Variants in SH2D7 observed in about 807,000 individuals in gnomAD.
SH2D7 encodes the protein SH2 domain containing 7.
A neutral mutation model predicts 40.8 loss-of-function variants in SH2D7; 32 were observed. That is an observed-to-expected ratio of 0.78 (90% CI 0.59 to 1.05). SH2D7 has a LOEUF of 1.05. Among genes scored for constraint, SH2D7 ranks in the 50% least tolerant of loss-of-function variants. The pLI is 0.00. For missense variants in SH2D7, 559 were observed against 566.6 expected (o/e 0.99, Z 0.14); for synonymous variants, 195 against 221.5 (o/e 0.88, Z 1.06).
chr15:78,090,738 A>G (rs1019380404), upstream of SH2D7, among the ~76,000 whole-genome samples: 1 of 152,080 alleles, frequency 6.6e-6, no homozygotes, highest in Non-Finnish European at 1.5e-5. Context: ...AACCTTCCTA[A>G]CAGCAGGACA....
At chr15:78,094,444 CT>C (rs1011471362) in intron 2 of SH2D7, among the ~76,000 whole-genome samples, 6 of 152,180 alleles carry the variant, frequency 3.9e-5, no homozygotes, top group Non-Finnish European at 8.8e-5. Context: ...CAGAGGTGAA[CT>C]TTGAGCCTAG....
intron 2 of SH2D7, among the ~76,000 whole-genome samples, chr15:78,095,449 C>T (rs2073965372): frequency 6.6e-6 from 1 of 152,016 alleles, no homozygotes; most frequent in African/African-American, 2.4e-5. Context: ...CAAAGGTATA[C>T]AAATAGAAAA....
chr15:78,103,103 C>T (rs1371304846), intron 5 of SH2D7, among the ~76,000 whole-genome samples: 7 of 152,134 alleles, frequency 4.6e-5, no homozygotes, highest in Admixed American at 4.6e-4. Flanking sequence ...CTCTGTGGGC[C>T]TGGGTACAGC....
intron 5 of SH2D7, among the ~76,000 whole-genome samples, chr15:78,102,550 G>A (rs1252355510): frequency 6.6e-6 from 1 of 152,078 alleles, no homozygotes; most frequent in African/African-American, 2.4e-5. Flanking sequence ...GGTGGTGGTG[G>A]TAGTGGTGGT....
Position 78,101,295 on chromosome 15 carries a change from G to A in SH2D7, c.1042G>A (p.Ala348Thr). The A allele has an allele frequency of 2.5e-6, 4 of 1,612,908 alleles. No individual in the cohort carries two copies. Among genetic ancestry groups the A allele is most frequent in the Non-Finnish European group, 3.4e-6 (4 of 1,179,494 alleles). ...EAQPCSQGSS[A>T]DIYEFIGTEG... is the part of the protein sequence containing the mutation. ...TCAGCCCTGCTCCCAGGGCAGCTCT[G>A]CAGATATCTATGAGTTCATCGGGAC... The change falls in exon 5 of 6, where the codon GCA becomes ACA. Residue 348 changes from alanine (A) to threonine (T), a missense_variant. Ala to Thr is a moderately conservative substitution (Grantham distance 58). Transcript: ENST00000328828.
intron 4 of SH2D7, among the ~76,000 whole-genome samples, chr15:78,100,378 C>T (rs1323178244): frequency 6.6e-6 from 1 of 152,066 alleles, no homozygotes; most frequent in African/African-American, 2.4e-5. Context: ...GTGCTGGTGA[C>T]CCAAGGCCTT....
At chr15:78,092,928 G>C (rs550461494) in intron 1 of SH2D7, among the ~76,000 whole-genome samples, 168 bp downstream of exon 1, 2 of 152,276 alleles carry the variant, frequency 1.3e-5, no homozygotes, top group East Asian at 3.9e-4. Flanking sequence ...ACATCCTCTG[G>C]TGGTGGCTTC....
At chr15:78,091,158 G>T (rs552565513), upstream of SH2D7, 1 of 152,276 alleles carries the variant, frequency 6.6e-6, no homozygotes, top group East Asian at 1.9e-4. Flanking sequence ...GGGATTACAG[G>T]TCTGGCCTCA....
At chr15:78,092,262 T>A (rs887185780), upstream of SH2D7, among the ~76,000 whole-genome samples, 1 of 152,212 alleles carries the variant, frequency 6.6e-6, no homozygotes, top group African/African-American at 2.4e-5. Flanking sequence ...TGATCTTTAG[T>A]TGTGACAAAG....
At chr15:78,097,143 T>C (rs2073976942) in intron 2 of SH2D7, among the ~76,000 whole-genome samples, 1 of 152,228 alleles carries the variant, frequency 6.6e-6, no homozygotes, top group South Asian at 2.1e-4. Flanking sequence ...AGAAGTATTA[T>C]AGAAGTTCTC....
intron 5 of SH2D7, 140 bp downstream of exon 5, chr15:78,101,698 T>G: frequency 9.5e-7 from 1 of 1,057,332 alleles, no homozygotes; most frequent in Non-Finnish European, 1.3e-6. Flanking sequence ...AGCCCTAATA[T>G]CTGCCTAGAA....
At position 78,103,767 on chromosome 15, in the gene SH2D7, G is replaced by C. The variant is rs868557625; in HGVS notation, c.*252G>C. 5 of 505,046 alleles carry C rather than the reference G, an allele frequency of 9.9e-6. No individual in the cohort carries two copies. The Admixed American group carries it at 1.0e-4, about 10-fold the overall frequency. The allele number at this position is 505,046 out of a possible 1,614,324, so 31.3% of individuals were successfully genotyped here. ...TCCCATCCATGCACAGGAGGGACTG[G>C]AGAGGAATGAGATTGGCCAAAGGCA... On this transcript the variant is annotated 3_prime_UTR_variant, in exon 6 of 6. Transcript: ENST00000328828.
chr15:78,096,324 C>T (rs1243710001), intron 2 of SH2D7, among the ~76,000 whole-genome samples: 2 of 151,904 alleles, frequency 1.3e-5, no homozygotes, highest in Non-Finnish European at 2.9e-5. Context: ...TAAGTAAAAG[C>T]AAAAGAACTG....
At chr15:78,094,266 G>A in intron 2 of SH2D7, 65 bp downstream of exon 2, 1 of 1,512,922 alleles carries the variant, frequency 6.6e-7, no homozygotes, top group Non-Finnish European at 9.0e-7. Context: ...GCAGATTAGT[G>A]CAGAGGCCCC....
Position 78,094,164 on chromosome 15 carries a change from C to T in SH2D7, c.229C>T (p.Leu77Phe). Residue 77 changes from leucine (L) to phenylalanine (F), a missense_variant, in exon 2 of 6, where the codon CTC becomes TTC. Transcript: ENST00000328828. ...DKALGSFLIR[L>F]SDRATGYILS... is the part of the protein sequence containing the mutation. ...AGCTCTTGGTTCCTTCCTTATCCGC[C>T]TCAGTGACCGAGCCACTGGCTACAT... 1 of 1,609,062 alleles carries T rather than the reference C, an allele frequency of 6.2e-7. No individual in the cohort carries two copies. The highest frequency in any genetic ancestry group is 1.1e-5 in the South Asian group (1 of 89,876).
intron 4 of SH2D7, among the ~76,000 whole-genome samples, chr15:78,099,638 CTTTAT>C (rs2073999507): frequency 6.6e-6 from 1 of 152,054 alleles, no homozygotes; most frequent in Admixed American, 6.6e-5. Flanking sequence ...AAGGATTTTT[CTTTAT>C]ATCAGATCAC....
Position 78,094,109 on chromosome 15 carries a change from C to G in SH2D7, c.177-3C>G, listed in dbSNP as rs777877429. On this transcript the variant is annotated splice_polypyrimidine_tract_variant and splice_region_variant and intron_variant, in intron 1 of 5. Transcript: ENST00000328828. Reference sequence around the variant, plus strand: ...CCCAGCTAATGGCATGTCTTCTGCCCAGGCAGACGGAGCAGCTACTCAGGG... The same window carrying G: ...CCCAGCTAATGGCATGTCTTCTGCCGAGGCAGACGGAGCAGCTACTCAGGG... 3.7e-6 allele frequency: 6 copies of G among 1,604,962 alleles called. No homozygotes were observed. In the African/African-American group the frequency reaches 8.0e-5, roughly 21 times the overall value.
chr15:78,098,802 C>G (rs192230829), intron 4 of SH2D7, among the ~76,000 whole-genome samples: 1 of 152,220 alleles, frequency 6.6e-6, no homozygotes, highest in South Asian at 2.1e-4. Flanking sequence ...TTGGTTCAAG[C>G]CTTGGCTTGG....
In SH2D7 at chr15:78,101,334, C is replaced by A. The variant is rs1330248012; in HGVS notation, c.1081C>A (p.Gln361Lys). ...YEFIGTEGLL[Q>K]EARDTPDQEG... ...GTTCATCGGGACAGAAGGCCTCCTG[C>A]AAGAGGCCAGGGACACACCAGACCA... Residue 361 changes from glutamine to lysine, a missense_variant, in exon 5 of 6, where the codon CAA (glutamine) becomes AAA (lysine). By Grantham distance (53) the Gln-to-Lys change is moderately conservative (BLOSUM62 1). Coordinates refer to ENST00000328828, the MANE Select transcript of SH2D7 (RefSeq NM_001101404.2). 3.7e-6 allele frequency: 6 copies of A among 1,613,140 alleles called. No individual in the cohort carries two copies. Among genetic ancestry groups the A allele is most frequent in the Admixed American group, 1.7e-5 (1 of 59,910 alleles).
Sources: allele counts gnomAD v4.1 joint callset (sites outside exome capture counted in the v4.1 genomes callset), GRCh38; gene constraint gnomAD v4.1.1; transcripts MANE v1.5; gene names NCBI Gene and HGNC (gene_info 2026-07-23, HGNC 2026-07-21).